The following ATP2A3 variants were observed in gnomAD, a reference collection of about 807,000 sequenced individuals.
The protein encoded by ATP2A3 is sarcoplasmic/endoplasmic reticulum calcium ATPase 3.
A neutral mutation model predicts 106.8 loss-of-function variants in ATP2A3; 61 were observed. The observed-to-expected ratio is 0.57, with a 90% confidence interval of 0.46 to 0.71. The LOEUF (loss-of-function observed/expected upper bound fraction) is 0.71. ATP2A3 is among the 30% of genes least tolerant of loss of function. ATP2A3 has a pLI of 0.00. For synonymous variants in ATP2A3, 611 were observed against 609.3 expected (o/e 1.00, Z -0.04); for missense variants, 1,201 against 1,423.5 (o/e 0.84, Z 2.52).
intron 1 of ATP2A3, among the ~76,000 whole-genome samples, chr17:3,963,767 G>T (rs1047651156): frequency 6.6e-6 from 1 of 152,230 alleles, no homozygotes; most frequent in Non-Finnish European, 1.5e-5. Flanking sequence ...CTGGGAGGCC[G>T]AGCCTGAGTC....
At chr17:3,937,872 G>A (rs963594958) in intron 14 of ATP2A3, among the ~76,000 whole-genome samples, 2 of 152,164 alleles carry the variant, frequency 1.3e-5, no homozygotes, top group Admixed American at 1.3e-4. Context: ...TGAGGTTAGG[G>A]AAGATGATGA....
In ATP2A3 at chr17:3,937,330, A is replaced by G. The variant is rs534064431; in HGVS notation, c.2321+86T>C. ...AGGGCACAGGCCCCTCCATCCCTGC[A>G]GCGCATCCGAGGAACAGGCGTTTTC... On this transcript the variant is annotated intron_variant, in intron 15 of 20. Coordinates refer to ENST00000397041, the MANE Select transcript of ATP2A3 (RefSeq NM_005173.4). 38 of 1,444,272 alleles carry G rather than the reference A, an allele frequency of 2.6e-5. No homozygotes were observed. The South Asian group carries it at 4.5e-4, about 17-fold the overall frequency. 89.5% of individuals were successfully genotyped at this position (1,444,272 alleles called of 1,614,324 possible).
In ATP2A3 at chr17:3,951,690, A is replaced by G; in HGVS notation, c.220-5T>C. The G allele has an allele frequency of 6.2e-7, 1 of 1,604,932 alleles. No homozygotes were observed. Among genetic ancestry groups the G allele is most frequent in the Non-Finnish European group, 8.5e-7 (1 of 1,176,332 alleles). On this transcript the variant is annotated splice_polypyrimidine_tract_variant and splice_region_variant and intron_variant, in intron 3 of 20. Transcript: ENST00000397041. ...CTCCTCGAACCAGGCCAGGACCTGC[A>G]GGATCACAGCTGGTGAGCTCAGGCC...
intron 10 of ATP2A3, among the ~76,000 whole-genome samples, chr17:3,944,116 C>A (rs940885152): frequency 9.2e-5 from 14 of 152,212 alleles, no homozygotes; most frequent in African/African-American, 3.4e-4. Flanking sequence ...ATCTCTCTGG[C>A]CTGAATGACC....
At chr17:3,945,182 G>T in intron 8 of ATP2A3, 34 bp from the exon 9 acceptor site, 2 of 1,534,630 alleles carry the variant, frequency 1.3e-6, no homozygotes, top group Non-Finnish European at 1.8e-6. Flanking sequence ...AGGCGGGCGG[G>T]GTCGCCTCCC....
At chr17:3,944,967 G>C (rs1399265575) in intron 9 of ATP2A3, 93 bp downstream of exon 9, 1 of 1,280,644 alleles carries the variant, frequency 7.8e-7, no homozygotes, top group Non-Finnish European at 1.0e-6. Flanking sequence ...CTCCTGGCCC[G>C]CCCCCAGGGG....
Position 3,924,665 on chromosome 17 carries a change from C to T in ATP2A3, c.*757G>A. On this transcript the variant is annotated 3_prime_UTR_variant, in exon 21 of 21. Coordinates refer to ENST00000397041, the MANE Select transcript of ATP2A3 (RefSeq NM_005173.4). The surrounding 1 kb of genome is among the most constrained non-coding windows in gnomAD (Gnocchi z 6.4). ...ATCTCCCGAGCTCAGGACGGGGAAC[C>T]CTGAGTCCAGGAGGCGCGCGGGGCT... 2.3e-6 allele frequency: 1 copy of T among 436,830 alleles called. No homozygotes were observed. Among genetic ancestry groups the T allele is most frequent in the South Asian group, 1.6e-5 (1 of 61,500 alleles). 27.1% of individuals were successfully genotyped at this position (436,830 alleles called of 1,614,324 possible). A position where few individuals can be genotyped will look rare whatever the true frequency, so the allele number is the denominator to read the frequency against.
At chr17:3,945,569 T>C (rs577558772) in intron 8 of ATP2A3, among the ~76,000 whole-genome samples, 1 of 152,294 alleles carries the variant, frequency 6.6e-6, no homozygotes, top group East Asian at 1.9e-4. Flanking sequence ...AATGAGTTCC[T>C]GGCCTTCAAG....
At position 3,941,613 on chromosome 17, in the gene ATP2A3, G is replaced by A. The variant is rs373585406; in HGVS notation, c.1587C>T (p.Arg529=). The part of the protein sequence containing the change: ...ESVIERCSSV[R]VGSRTAPLTP... ...TCAGGGGTGCTGTGCGGCTCCCCAC[G>A]CGGACTGAGCTACAGCGCTCGATCA... The change falls in exon 13 of 21, where the codon CGC becomes CGT. Residue 529 remains arginine (R), a synonymous_variant. Coordinates refer to ENST00000397041, the MANE Select transcript of ATP2A3 (RefSeq NM_005173.4). 2.0e-5 allele frequency: 33 copies of A among 1,611,306 alleles called. No individual in the cohort carries two copies. The highest frequency in any genetic ancestry group is 1.6e-4 in the Middle Eastern group (1 of 6,062).
At chr17:3,943,291 ACG>A in intron 11 of ATP2A3, 98 bp downstream of exon 11, 1 of 1,534,888 alleles carries the variant, frequency 6.5e-7, no homozygotes, top group Non-Finnish European at 8.8e-7. Flanking sequence ...AAAAAACAAA[ACG>A]AAACAAAACA....
Position 3,930,623 on chromosome 17 carries a change from G to C in ATP2A3, c.2611-189C>G. On this transcript the variant is annotated intron_variant, in intron 17 of 20. Transcript: ENST00000397041. This position sits in a 1 kb window ranked among gnomAD's most constrained non-coding sequence, Gnocchi z 5.4. ...GGGCGGCGGTGGGGAGAGCTGCACC[G>C]TGCCAGGGAGAAGCAAGGGCACAGC... 1.3e-6 allele frequency: 1 copy of C among 769,306 alleles called. No individual in the cohort carries two copies. Among genetic ancestry groups the C allele is most frequent in the East Asian group, 2.7e-5 (1 of 36,920 alleles). 47.7% of individuals were successfully genotyped at this position (769,306 alleles called of 1,614,324 possible).
chr17:3,926,052 C>A lies in ATP2A3; in HGVS notation c.2981-611G>T, dbSNP rs906567127. Among the ~76,000 whole-genome samples the A allele has an allele frequency of 6.6e-6, 1 of 151,944 alleles. No individual in the cohort carries two copies. Among genetic ancestry groups the A allele is most frequent in the African/African-American group, 2.4e-5 (1 of 41,348 alleles). ...TACAACCACCACAGCCCAGCCCCCA[C>A]GCCTCCCCTGACAACTGCTCAGCCA... On this transcript the variant is annotated intron_variant, in intron 20 of 20. Coordinates refer to ENST00000397041, the MANE Select transcript of ATP2A3 (RefSeq NM_005173.4). The surrounding 1 kb of genome is among the most constrained non-coding windows in gnomAD (Gnocchi z 4.6).
rs139992742 is a variant in ATP2A3 at position 3,943,447 on chromosome 17, A to G, written c.1363T>C (p.Phe455Leu). The G allele has an allele frequency of 1.9e-6, 3 of 1,613,922 alleles. No homozygotes were observed. Among genetic ancestry groups the G allele is most frequent in the Non-Finnish European group, 2.5e-6 (3 of 1,179,976 alleles). The part of the protein sequence containing the change: ...LTCLVEKMNV[F>L]DTDLQALSRV... ...GACAGAGCCTGCAGGTCGGTGTCGA[A>G]CACGTTCATCTTCTCCACCAGGCAA... The change falls in exon 11 of 21, where the codon TTC becomes CTC. Residue 455 changes from phenylalanine (F) to leucine (L), a missense_variant. Around this residue, in one of 2 missense-constraint regions of ATP2A3, gnomAD observed 935 missense variants for 1,176.7 expected, o/e 0.79. Coordinates refer to ENST00000397041, the MANE Select transcript of ATP2A3 (RefSeq NM_005173.4).
At chr17:3,951,226 A>G in intron 5 of ATP2A3, 25 bp downstream of exon 5, 1 of 1,396,730 alleles carries the variant, frequency 7.2e-7, no homozygotes, top group Non-Finnish European at 9.3e-7. Flanking sequence ...ATAAAATAAA[A>G]TAAAAGGAGG....
chr17:3,930,761 T>C lies in ATP2A3; in HGVS notation c.2611-327A>G, dbSNP rs2053030370. ...GGAGATCACTGAATAGGGAAATGCATGTGAAAATCAACCAACAAAACCATG... is the reference window on the plus strand; with the variant it reads ...GGAGATCACTGAATAGGGAAATGCACGTGAAAATCAACCAACAAAACCATG... On this transcript the variant is annotated intron_variant, in intron 17 of 20. Coordinates refer to ENST00000397041, the MANE Select transcript of ATP2A3 (RefSeq NM_005173.4). The surrounding 1 kb of genome is among the most constrained non-coding windows in gnomAD (Gnocchi z 5.4). 57 of 445,996 alleles carry C rather than the reference T, an allele frequency of 1.3e-4. No homozygotes were observed. The highest frequency in any genetic ancestry group is 1.2e-3 in the South Asian group (56 of 48,544). The allele number at this position is 445,996 out of a possible 1,614,324, so 27.6% of individuals were successfully genotyped here.
chr17:3,943,026 G>A (rs1033763363), intron 11 of ATP2A3, among the ~76,000 whole-genome samples: 1 of 152,122 alleles, frequency 6.6e-6, no homozygotes, highest in Admixed American at 6.5e-5. Context: ...GGTGGCTCAC[G>A]CCTGTAATCC....
At chr17:3,943,292 C>A in intron 11 of ATP2A3, 99 bp downstream of exon 11, 19 of 1,467,796 alleles carry the variant, frequency 1.3e-5, no homozygotes, top group East Asian at 4.7e-5. Flanking sequence ...AAAAACAAAA[C>A]GAAACAAAAC....
In ATP2A3 at chr17:3,925,271, G is replaced by T; in HGVS notation, c.*151C>A. The stretch of plus-strand genomic sequence containing the variant: ...CAGAGACCCCAGGACGGGGCCCGGG[G>T]ATGGCCATTCTGACCTCGGGCCTGT... On this transcript the variant is annotated 3_prime_UTR_variant, in exon 21 of 21. Coordinates refer to ENST00000397041, the MANE Select transcript of ATP2A3 (RefSeq NM_005173.4). The surrounding 1 kb of genome is among the most constrained non-coding windows in gnomAD (Gnocchi z 4.2). 7.5e-7 allele frequency: 1 copy of T among 1,326,550 alleles called. No individual in the cohort carries two copies. The highest frequency in any genetic ancestry group is 1.1e-6 in the Non-Finnish European group (1 of 943,942). 82.2% of individuals were successfully genotyped at this position (1,326,550 alleles called of 1,614,324 possible).
rs2054561387 is a variant in ATP2A3 at position 3,953,296 on chromosome 17, T to C, written c.219+51A>G. 1.3e-6 allele frequency: 2 copies of C among 1,590,538 alleles called. No individual in the cohort carries two copies. The highest frequency in any genetic ancestry group is 1.7e-6 in the Non-Finnish European group (2 of 1,159,320). ...CTCGGAGCACTGCCCAGCCTGGCTCTCCCTCCAGGGCTACCGACTACCACA... is the reference window on the plus strand; with the variant it reads ...CTCGGAGCACTGCCCAGCCTGGCTCCCCCTCCAGGGCTACCGACTACCACA... On this transcript the variant is annotated intron_variant, in intron 3 of 20. Coordinates refer to ENST00000397041, the MANE Select transcript of ATP2A3 (RefSeq NM_005173.4). The surrounding 1 kb of genome is among the most constrained non-coding windows in gnomAD (Gnocchi z 5.1).
Sources: allele counts gnomAD v4.1 joint callset (sites outside exome capture counted in the v4.1 genomes callset), GRCh38; gene constraint gnomAD v4.1.1; regional missense constraint gnomAD v4.1.1; non-coding constraint Gnocchi (gnomAD v3.1); transcripts MANE v1.5; gene names NCBI Gene and HGNC (gene_info 2026-07-23, HGNC 2026-07-21).